The following PCDH11Y variants were observed in gnomAD, a reference collection of about 807,000 sequenced individuals.
PCDH11Y encodes protocadherin-11 Y-linked.
For synonymous variants in PCDH11Y, 9 were observed against 83.6 expected (o/e 0.11, Z 4.87); for missense variants, 12 against 224.8 (o/e 0.05, Z 6.05).
chrY:5,403,219 C>T, intron 2 of PCDH11Y, among the ~76,000 whole-genome samples: 1 of 31,627 alleles, frequency 3.2e-5, no homozygotes, highest in Non-Finnish European at 7.7e-5. Context: ...CAGTTGATCC[C>T]GCTATAATTT....
At chrY:5,347,956 G>C in intron 2 of PCDH11Y, among the ~76,000 whole-genome samples, 1 of 32,706 alleles carries the variant, frequency 3.1e-5, no homozygotes, top group Non-Finnish European at 7.4e-5. Context: ...CCTTTCTCTT[G>C]ATGGTATCAT....
At chrY:5,045,115 A>G in intron 3 of PCDH11Y, among the ~76,000 whole-genome samples, 1 of 33,151 alleles carries the variant, frequency 3.0e-5, no homozygotes, top group Non-Finnish European at 7.4e-5. Context: ...ATTTACATTT[A>G]AAGTTAATAG....
intron 2 of PCDH11Y, among the ~76,000 whole-genome samples, chrY:5,146,973 T>C: frequency 3.3e-5 from 1 of 29,862 alleles, no homozygotes; most frequent in Non-Finnish European, 7.9e-5. Flanking sequence ...TGCTTCCTGC[T>C]CTTGAATATC....
chrY:5,058,394 A>T, intron 1 of PCDH11Y, among the ~76,000 whole-genome samples: 1 of 30,136 alleles, frequency 3.3e-5, no homozygotes, highest in African/African-American at 1.3e-4. Context: ...TGTTAATGAA[A>T]TAACTAATGT....
At chrY:5,210,139 C>G in intron 2 of PCDH11Y, among the ~76,000 whole-genome samples, 1 of 33,422 alleles carries the variant, frequency 3.0e-5, no homozygotes, top group Admixed American at 2.6e-4. Context: ...ATACTCAAAC[C>G]CTATTTTTCC....
intron 2 of PCDH11Y, among the ~76,000 whole-genome samples, chrY:5,438,569 A>G: frequency 3.0e-5 from 1 of 33,547 alleles, no homozygotes; most frequent in Admixed American, 2.8e-4. Flanking sequence ...ATAGCTTTAG[A>G]GTGTCACAGC....
chrY:5,254,900 GT>G (rs2053008332), intron 2 of PCDH11Y, among the ~76,000 whole-genome samples: 1 of 30,266 alleles, frequency 3.3e-5, no homozygotes, highest in Non-Finnish European at 7.9e-5. Context: ...TTTTATTTTA[GT>G]TTTTTTTTAA....
At chrY:5,429,877 C>T (rs2053266988) in intron 2 of PCDH11Y, among the ~76,000 whole-genome samples, 1 of 31,190 alleles carries the variant, frequency 3.2e-5, no homozygotes, top group Non-Finnish European at 7.7e-5. Context: ...ACCATGTTGC[C>T]CAGGCTGGTC....
chrY:5,249,736 A>G, intron 2 of PCDH11Y, among the ~76,000 whole-genome samples: 2 of 32,448 alleles, frequency 6.2e-5, no homozygotes, highest in Non-Finnish European at 1.5e-4. Context: ...CAAAAAAAAA[A>G]CTATCATCAG....
intron 1 of PCDH11Y, among the ~76,000 whole-genome samples, chrY:5,097,909 A>G: frequency 3.0e-5 from 1 of 33,134 alleles, no homozygotes; most frequent in Non-Finnish European, 7.4e-5. Flanking sequence ...AAATGCTACA[A>G]TCTGAAGCCT....
At chrY:5,530,975 A>ATT (rs1266020762) in intron 3 of PCDH11Y, among the ~76,000 whole-genome samples, 23 of 17,008 alleles carry the variant, frequency 1.4e-3, no homozygotes, top group East Asian at 4.5e-3. Context: ...CTTTTCTTCC[A>ATT]TTTTTTTTTT....
At chrY:5,349,066 T>C in intron 2 of PCDH11Y, among the ~76,000 whole-genome samples, 1 of 31,516 alleles carries the variant, frequency 3.2e-5, no homozygotes, top group Admixed American at 3.1e-4. Context: ...AGATGGAGGT[T>C]GCAGTGAGGT....
chrY:5,655,320 T>G, intron 4 of PCDH11Y, among the ~76,000 whole-genome samples: 1 of 29,982 alleles, frequency 3.3e-5, no homozygotes, highest in Non-Finnish European at 8.0e-5. Flanking sequence ...TATTCTTTTT[T>G]CTATTTTTTT....
chrY:5,677,494 A>G (rs2124709125), intron 4 of PCDH11Y, among the ~76,000 whole-genome samples: 12 of 32,572 alleles, frequency 3.7e-4, no homozygotes, highest in Admixed American at 1.7e-3. Context: ...CCATTTTTCT[A>G]TGTGCCCAGA....
intron 2 of PCDH11Y, among the ~76,000 whole-genome samples, chrY:5,140,227 C>T: frequency 7.0e-5 from 2 of 28,654 alleles, no homozygotes; most frequent in Non-Finnish European, 1.6e-4. Context: ...CCTAAAACTA[C>T]TAATTTATTA....
chrY:5,535,530 C>T, intron 3 of PCDH11Y, among the ~76,000 whole-genome samples: 1 of 33,430 alleles, frequency 3.0e-5, no homozygotes, highest in Non-Finnish European at 7.3e-5. Context: ...GAATAATGAT[C>T]TCCAATTCCA....
intron 3 of PCDH11Y, among the ~76,000 whole-genome samples, chrY:5,507,648 A>T (rs2053360345): frequency 6.2e-5 from 2 of 32,349 alleles, no homozygotes; most frequent in African/African-American, 2.4e-4. Context: ...TAAGTAAAGC[A>T]ATCTCTTATC....
chrY:5,461,964 T>C, intron 2 of PCDH11Y, among the ~76,000 whole-genome samples: 2 of 33,571 alleles, frequency 6.0e-5, no homozygotes, highest in Non-Finnish European at 1.5e-4. Flanking sequence ...GCAAATCAAT[T>C]TTTCTTATTT....
intron 2 of PCDH11Y, among the ~76,000 whole-genome samples, chrY:5,143,376 C>T: frequency 3.7e-4 from 12 of 32,665 alleles, no homozygotes; most frequent in Non-Finnish European, 6.1e-4. Flanking sequence ...AGTTGATTAC[C>T]GACTCCTTGT....
Sources: gnomAD v4.1 joint callset for allele counts (sites outside exome capture counted in the v4.1 genomes callset) on GRCh38, gnomAD v4.1.1 for gene constraint, MANE v1.5 for transcripts, NCBI Gene and HGNC (gene_info 2026-07-23, HGNC 2026-07-21) for gene names.